STARD13: variants seen among roughly 807,000 people sequenced by gnomAD.
STARD13 encodes stAR-related lipid transfer protein 13.
In STARD13, 62 loss-of-function variants were observed where a neutral mutation model predicts 106.4. That is an observed-to-expected ratio of 0.58 (90% CI 0.48 to 0.72). The LOEUF (loss-of-function observed/expected upper bound fraction) is 0.72, where lower values mean the gene tolerates loss of function less well. STARD13 is among the 30% of genes least tolerant of loss of function. The probability of loss-of-function intolerance (pLI) is 0.00; values close to 1 mark genes in which losing one functional copy is unlikely to be tolerated. For synonymous variants in STARD13, 565 were observed against 553.0 expected (o/e 1.02, Z -0.31); for missense variants, 1,387 against 1,424.0 (o/e 0.97, Z 0.42).
intron 1 of STARD13, among the ~76,000 whole-genome samples, chr13:33,320,828 C>G (rs1232260698): frequency 6.6e-6 from 1 of 152,082 alleles, no homozygotes; most frequent in Non-Finnish European, 1.5e-5. Context: ...AAATCAACTT[C>G]CGATGTGTAC....
At chr13:33,574,072 C>T in the STARD13 span, among the ~76,000 whole-genome samples, 17 of 152,146 alleles carry the variant, frequency 1.1e-4, no homozygotes, top group East Asian at 3.3e-3. Context: ...ATGATCCTTG[C>T]CTAAAAACAT....
chr13:33,332,848 G>C (rs1201375669), intron 1 of STARD13, among the ~76,000 whole-genome samples: 1 of 152,134 alleles, frequency 6.6e-6, no homozygotes, highest in Non-Finnish European at 1.5e-5. Flanking sequence ...TGTCAGTTGT[G>C]TTCAACACTG....
At chr13:33,617,896 C>T in the STARD13 span, among the ~76,000 whole-genome samples, 1 of 152,104 alleles carries the variant, frequency 6.6e-6, no homozygotes, top group Non-Finnish European at 1.5e-5. Flanking sequence ...GGAATTAAAG[C>T]ATGATGTTAT....
chr13:33,551,118 G>A, the STARD13 span, among the ~76,000 whole-genome samples: 46 of 152,340 alleles, frequency 3.0e-4, no homozygotes, highest in African/African-American at 1.0e-3. Flanking sequence ...AGTAAGGCAT[G>A]TAGGTCTTGG....
the STARD13 span, among the ~76,000 whole-genome samples, chr13:33,453,652 G>T: frequency 6.6e-6 from 1 of 152,162 alleles, no homozygotes; most frequent in African/African-American, 2.4e-5. Context: ...GGAAGTCTAG[G>T]CCTTTAAAAC....
Position 33,130,270 on chromosome 13 carries a change from T to C in STARD13, c.407A>G (p.Glu136Gly). The C allele has an allele frequency of 6.2e-7, 1 of 1,602,438 alleles. No homozygotes were observed. Among genetic ancestry groups the C allele is most frequent in the Non-Finnish European group, 8.5e-7 (1 of 1,179,676 alleles). Residue 136 changes from glutamate (E) to glycine (G), a missense_variant, in exon 5 of 14, where the codon GAA (glutamate) becomes GGA (glycine). Glu to Gly is a moderately conservative substitution (Grantham distance 98, BLOSUM62 -2). Transcript: ENST00000336934. This position sits in a 1 kb window ranked among gnomAD's most constrained non-coding sequence, Gnocchi z 4.1. ...CCATTTGTTGCTGATACAAAGATCT[T>C]CCTCATCGGAGTCGTCACCCTGCAG... ...QRKKGDDSDE[E>G]DLCISNKWTF...
intron 11 of STARD13, among the ~76,000 whole-genome samples, chr13:33,110,381 G>A (rs1312703721): frequency 6.6e-6 from 1 of 152,170 alleles, no homozygotes; most frequent in African/African-American, 2.4e-5. Flanking sequence ...TCCGACAGTG[G>A]TACTCTTACA....
At chr13:33,626,695 C>G in the STARD13 span, among the ~76,000 whole-genome samples, 5,365 of 152,310 alleles carry the variant, frequency 0.035, 303 homozygotes, top group African/African-American at 0.12. Context: ...ATGTCATCCA[C>G]TCCCCTTCCT....
At chr13:33,441,813 G>T in the STARD13 span, among the ~76,000 whole-genome samples, 1 of 152,002 alleles carries the variant, frequency 6.6e-6, no homozygotes, top group African/African-American at 2.4e-5. Context: ...ACTTGCCCCG[G>T]GAAAAAGCAA....
the STARD13 span, among the ~76,000 whole-genome samples, chr13:33,575,456 A>T: frequency 6.6e-6 from 1 of 152,114 alleles, no homozygotes; most frequent in African/African-American, 2.4e-5. Context: ...TATGGTTTGG[A>T]TATGGTTGTT....
chr13:33,539,513 A>T, the STARD13 span, among the ~76,000 whole-genome samples: 1 of 152,246 alleles, frequency 6.6e-6, no homozygotes, highest in Non-Finnish European at 1.5e-5. Flanking sequence ...ACAGTAATCA[A>T]TACAGTGTGG....
the STARD13 span, among the ~76,000 whole-genome samples, chr13:33,628,148 AACACACACACACAC>A: frequency 0.012 from 1,574 of 133,436 alleles, 41 homozygotes; most frequent in South Asian, 0.024. Flanking sequence ...TCTCTTGTAA[AACACACACACACAC>A]ACACACACAC....
chr13:33,402,902 A>G, the STARD13 span, among the ~76,000 whole-genome samples: 2 of 152,194 alleles, frequency 1.3e-5, no homozygotes, highest in African/African-American at 2.4e-5. Context: ...CCACCACTCA[A>G]TAAAACCCCG....
chr13:33,652,935 A>G, the STARD13 span, among the ~76,000 whole-genome samples: 2 of 152,286 alleles, frequency 1.3e-5, no homozygotes, highest in African/African-American at 2.4e-5. Flanking sequence ...TATGACATCA[A>G]AAGAAGAAAA....
At chr13:33,238,671 A>G (rs1314460439) in intron 1 of STARD13, among the ~76,000 whole-genome samples, 1 of 152,112 alleles carries the variant, frequency 6.6e-6, no homozygotes, top group Non-Finnish European at 1.5e-5. Flanking sequence ...CAGTGCTGCC[A>G]TTTAGTAGTT....
chr13:33,112,425 T>A (rs79977816), intron 9 of STARD13, among the ~76,000 whole-genome samples: 271 of 152,330 alleles, frequency 1.8e-3, no homozygotes, highest in African/African-American at 6.0e-3. Flanking sequence ...ATTTTATCTA[T>A]CTATAATCTA....
intron 1 of STARD13, among the ~76,000 whole-genome samples, chr13:33,170,043 T>C (rs1440907024): frequency 5.2e-5 from 4 of 76,412 alleles, no homozygotes; most frequent in Non-Finnish European, 1.2e-4. Context: ...GGATCATTAA[T>C]GGGTACAAAA....
At chr13:33,600,600 C>G in the STARD13 span, among the ~76,000 whole-genome samples, 7 of 151,990 alleles carry the variant, frequency 4.6e-5, no homozygotes, top group African/African-American at 1.7e-4. Flanking sequence ...ATACGGTATT[C>G]CTATTCAATT....
At chr13:33,572,022 A>G in the STARD13 span, among the ~76,000 whole-genome samples, 3 of 152,162 alleles carry the variant, frequency 2.0e-5, no homozygotes. Flanking sequence ...TATTAATTAA[A>G]TTGCACACCA....
Sources: gnomAD v4.1 joint callset for allele counts (sites outside exome capture counted in the v4.1 genomes callset) on GRCh38, gnomAD v4.1.1 for gene constraint, Gnocchi (gnomAD v3.1) non-coding constraint, MANE v1.5 for transcripts, NCBI Gene and HGNC (gene_info 2026-07-23, HGNC 2026-07-21) for gene names.